Variants in MYO3B observed in about 807,000 individuals in gnomAD.
MYO3B encodes myosin-IIIb.
A neutral mutation model predicts 174.6 loss-of-function variants in MYO3B; 156 were observed. That is an observed-to-expected ratio of 0.89 (90% CI 0.78 to 1.02). MYO3B has a LOEUF of 1.02. Ranked by LOEUF, MYO3B falls within the 50% of genes least tolerant of loss-of-function variation. The pLI is 0.00. For synonymous variants in MYO3B, 563 were observed against 569.1 expected (o/e 0.99, Z 0.15); for missense variants, 1,632 against 1,639.4 (o/e 1.00, Z 0.08).
chr2:170,623,035 G>A (rs568436675), intron 32 of MYO3B, among the ~76,000 whole-genome samples: 27 of 152,230 alleles, frequency 1.8e-4, no homozygotes, highest in East Asian at 3.9e-4. Context: ...GTAAACATAC[G>A]TGTGCATGTG....
At chr2:170,650,672 CTTTTTTTTTTTTTTTT>C (rs766676996) in intron 32 of MYO3B, among the ~76,000 whole-genome samples, 2 of 76,976 alleles carry the variant, frequency 2.6e-5, no homozygotes, top group Non-Finnish European at 2.3e-5. Context: ...TGAATTATGA[CTTTTTTTTTTTTTTTT>C]TTTTTTTTTT....
intron 8 of MYO3B, among the ~76,000 whole-genome samples, chr2:170,365,974 G>A (rs914132731): frequency 6.6e-6 from 1 of 152,116 alleles, no homozygotes; most frequent in African/African-American, 2.4e-5. Context: ...ACAGGGGAGT[G>A]AGGCTCTTTG....
chr2:170,447,564 A>G (rs893724328), intron 23 of MYO3B, among the ~76,000 whole-genome samples: 10 of 152,212 alleles, frequency 6.6e-5, no homozygotes, highest in African/African-American at 2.4e-4. Context: ...CAAATGAGGC[A>G]AATCTTTTTA....
intron 32 of MYO3B, among the ~76,000 whole-genome samples, chr2:170,608,345 C>G (rs1281343935): frequency 9.2e-5 from 14 of 152,198 alleles, no homozygotes; most frequent in Admixed American, 7.9e-4. Flanking sequence ...CTTCTGAGTA[C>G]AGTTCATGGG....
At chr2:170,328,005 G>A (rs977315198) in intron 7 of MYO3B, among the ~76,000 whole-genome samples, 7 of 151,776 alleles carry the variant, frequency 4.6e-5, no homozygotes, top group African/African-American at 1.7e-4. Flanking sequence ...AGGTTCAGAC[G>A]ATCCTCCTGC....
intron 6 of MYO3B, among the ~76,000 whole-genome samples, chr2:170,217,828 A>G (rs2092848206): frequency 6.6e-6 from 1 of 152,200 alleles, no homozygotes; most frequent in Non-Finnish European, 1.5e-5. Context: ...TACCAGATAC[A>G]TAGCAACTTA....
chr2:170,461,347 A>G (rs1684266501), intron 23 of MYO3B, among the ~76,000 whole-genome samples: 1 of 150,152 alleles, frequency 6.7e-6, no homozygotes, highest in Non-Finnish European at 1.5e-5. Flanking sequence ...GGTGGCGGGC[A>G]CCTGTAATCC....
chr2:170,324,574 G>T lies in MYO3B; in HGVS notation c.750-10811G>T, dbSNP rs13388530. 2.9e-3 allele frequency among the ~76,000 whole-genome samples: 441 copies of T among 152,288 alleles called. 8 individuals are homozygous for T. Among genetic ancestry groups the T allele is most frequent in the African/African-American group, 0.01 (424 of 41,562 alleles). On this transcript the variant is annotated intron_variant, in intron 7 of 34. Coordinates refer to ENST00000408978, the MANE Select transcript of MYO3B (RefSeq NM_138995.5). ...CCAAATTGAAATTCCTTAGAAGCTGGTTTTTTGTCTTTTTTTAAAGAGCGT... is the reference window on the plus strand; with the variant it reads ...CCAAATTGAAATTCCTTAGAAGCTGTTTTTTTGTCTTTTTTTAAAGAGCGT...
rs765910341 is a variant in MYO3B at position 170,214,799 on chromosome 2, C to T, written c.497C>T (p.Thr166Ile). Residue 166 changes from threonine to isoleucine, a missense_variant, in exon 5 of 35, where the codon ACA becomes ATA. Thr to Ile is a moderately conservative substitution (Grantham distance 89). Coordinates refer to ENST00000408978, the MANE Select transcript of MYO3B (RefSeq NM_138995.5). Reference protein sequence around the residue: ...DVKGNNILLTTEGGVKLVDFG... With the variant: ...DVKGNNILLTIEGGVKLVDFG... ...AAGGGGAATAACATTCTTCTGACAA[C>T]AGAAGGAGGAGTTAAGCTCGTTGAC... The T allele has an allele frequency of 1.2e-6, 2 of 1,614,008 alleles. No individual in the cohort carries two copies. The highest frequency in any genetic ancestry group is 1.7e-5 in the Admixed American group (1 of 60,012).
At chr2:170,652,419 G>C (rs944118817) in intron 34 of MYO3B, among the ~76,000 whole-genome samples, 2 of 152,106 alleles carry the variant, frequency 1.3e-5, no homozygotes, top group African/African-American at 2.4e-5. Flanking sequence ...TTCATAATTA[G>C]AGACATGTAG....
At chr2:170,510,160 G>T (rs1687891579) in intron 28 of MYO3B, among the ~76,000 whole-genome samples, 1 of 152,172 alleles carries the variant, frequency 6.6e-6, no homozygotes, top group Non-Finnish European at 1.5e-5. Context: ...TATGGTCAGT[G>T]ATGCAAATGG....
chr2:170,300,287 CCT>C lies in MYO3B; in HGVS notation c.750-35097_750-35096del, dbSNP rs545521411. ...AGTGACTCACCATGTTCTCTTTTTCCCTGCTACAATGATGAGCTATGTTCTGG... is the reference window on the plus strand; with the variant it reads ...AGTGACTCACCATGTTCTCTTTTTCCGCTACAATGATGAGCTATGTTCTGG... On this transcript the variant is annotated intron_variant, in intron 7 of 34. Transcript: ENST00000408978. Among the ~76,000 whole-genome samples the C allele has an allele frequency of 3.4e-4, 51 of 152,184 alleles. No homozygotes were observed. In the South Asian group the frequency reaches 7.7e-3, roughly 23 times the overall value.
chr2:170,516,303 G>GT (rs376694869), intron 29 of MYO3B, among the ~76,000 whole-genome samples: 70 of 147,596 alleles, frequency 4.7e-4, no homozygotes, highest in East Asian at 2.0e-3. Context: ...GTTTTTTGTT[G>GT]TTTTTTTTTT....
At chr2:170,278,675 C>T (rs2093481562) in intron 7 of MYO3B, among the ~76,000 whole-genome samples, 1 of 151,882 alleles carries the variant, frequency 6.6e-6, no homozygotes, top group African/African-American at 2.4e-5. Flanking sequence ...ATTTAGTAAC[C>T]CTACTCCACT....
chr2:170,271,397 C>T (rs1300974968), intron 7 of MYO3B, among the ~76,000 whole-genome samples: 1 of 152,156 alleles, frequency 6.6e-6, no homozygotes, highest in African/African-American at 2.4e-5. Flanking sequence ...ATAAATCACA[C>T]TGAGAGAATG....
Position 170,401,560 on chromosome 2 carries a change from C to T in MYO3B, c.1998C>T (p.Thr666=). 6.2e-7 allele frequency: 1 copy of T among 1,614,182 alleles called. No individual in the cohort carries two copies. The highest frequency in any genetic ancestry group is 8.5e-7 in the Non-Finnish European group (1 of 1,180,032). The change falls in exon 18 of 35, where the codon ACC becomes ACT. Residue 666 remains threonine, a synonymous_variant. Coordinates refer to ENST00000408978, the MANE Select transcript of MYO3B (RefSeq NM_138995.5). ...ACTGTGTGGTCACCCGGGGCGAGACCATCATCCGTGCCAACACTGTAGACA... is the reference window on the plus strand; with the variant it reads ...ACTGTGTGGTCACCCGGGGCGAGACTATCATCCGTGCCAACACTGTAGACA... ...TSHCVVTRGE[T]IIRANTVDRA...
At position 170,402,905 on chromosome 2, in the gene MYO3B, T is replaced by G. The variant is rs1291844773; in HGVS notation, c.2187T>G (p.Phe729Leu). ...TGGATATCTTTGGATTCGAGAATTT[T>G]CAGAGAAATTCATTTGAGCAGCTCT... ...GILDIFGFEN[F>L]QRNSFEQLCI... Residue 729 changes from phenylalanine (F) to leucine (L), a missense_variant, in exon 19 of 35, where the codon TTT becomes TTG. By Grantham distance (22) the Phe-to-Leu change is conservative. Coordinates refer to ENST00000408978, the MANE Select transcript of MYO3B (RefSeq NM_138995.5). 3 of 1,612,304 alleles carry G rather than the reference T, an allele frequency of 1.9e-6. No individual in the cohort carries two copies. The South Asian group carries it at 3.3e-5, about 18-fold the overall frequency.
intron 23 of MYO3B, among the ~76,000 whole-genome samples, chr2:170,461,728 A>G (rs1684299675): frequency 6.6e-6 from 1 of 151,632 alleles, no homozygotes. Context: ...GTGAGCTGAG[A>G]TCGCGCCATT....
rs1286312814 is a variant in MYO3B at position 170,646,819 on chromosome 2, A to C, written c.3734-4809A>C. The C allele has an allele frequency of 6.7e-6, 5 of 741,628 alleles. No individual in the cohort carries two copies. The East Asian group carries it at 2.7e-4, about 40-fold the overall frequency. The allele number at this position is 741,628 out of a possible 1,614,324, so 45.9% of individuals were successfully genotyped here. A position where few individuals can be genotyped will look rare whatever the true frequency, so the allele number is the denominator to read the frequency against. ...TGTATGAATTAATAGAGAAGCAGTA[A>C]CAATTGTTAAATTGAAGCTGTTCGT... is the stretch of plus-strand genomic sequence containing the variant. On this transcript the variant is annotated intron_variant, in intron 32 of 34. Coordinates refer to ENST00000408978, the MANE Select transcript of MYO3B (RefSeq NM_138995.5).
Sources: allele counts gnomAD v4.1 joint callset (sites outside exome capture counted in the v4.1 genomes callset), GRCh38; gene constraint gnomAD v4.1.1; transcripts MANE v1.5; gene names NCBI Gene and HGNC (gene_info 2026-07-23, HGNC 2026-07-21).